Variants in COQ10A observed in about 807,000 individuals in gnomAD.
COQ10A encodes coenzyme Q10A, also known as coenzyme Q-binding protein COQ10 homolog A, mitochondrial.
In COQ10A, 25 loss-of-function variants were observed where a neutral mutation model predicts 26.1. The ratio of observed to expected loss-of-function variants is 0.96; its 90% CI spans 0.70 to 1.34. The LOEUF is 1.34. COQ10A is among the 40% of genes most tolerant of loss of function. The pLI, the probability that COQ10A is intolerant of heterozygous loss-of-function variation, is 0.00. For synonymous variants in COQ10A, 132 were observed against 124.0 expected, an observed-to-expected ratio of 1.06 and a Z score of -0.43; for missense variants, 312 against 335.4, an observed-to-expected ratio of 0.93 and a Z score of 0.54.
chr12:56,267,275 T>G, intron 1 of COQ10A, 23 bp downstream of exon 1: 1 of 1,572,128 alleles, frequency 6.4e-7, no homozygotes, highest in Non-Finnish European at 8.6e-7. Context: ...TGACCGCGGC[T>G]GAGGGCAGGG....
Position 56,268,054 on chromosome 12 carries a change from C to T in COQ10A, c.281+114C>T, listed in dbSNP as rs1872404036. The T allele has an allele frequency of 2.3e-6, 3 of 1,316,388 alleles. No individual in the cohort carries two copies. The Admixed American group carries it at 5.5e-5, about 24-fold the overall frequency. The allele number at this position is 1,316,388 out of a possible 1,614,324, so 81.5% of individuals were successfully genotyped here. A position where few individuals can be genotyped will look rare whatever the true frequency, so the allele number is the denominator to read the frequency against. ...GCAAGATTCATCCCTAGCCATCCCC[C>T]TCCCCAGCTACAATACTGATCCTCA... On this transcript the variant is annotated intron_variant, in intron 2 of 4. Coordinates refer to ENST00000308197, the MANE Select transcript of COQ10A (RefSeq NM_144576.4).
At chr12:56,267,377 T>C (rs1565616595) in intron 1 of COQ10A, 125 bp downstream of exon 1, 2 of 1,613,790 alleles carry the variant, frequency 1.2e-6, no homozygotes, top group Non-Finnish European at 8.5e-7. Flanking sequence ...CCCTGGGAGC[T>C]AACGTAGAGC....
chr12:56,269,699 C>T, intron 4 of COQ10A, 138 bp downstream of exon 4: 1 of 700,008 alleles, frequency 1.4e-6, no homozygotes, highest in Non-Finnish European at 2.5e-6. Context: ...ACGATCTTGG[C>T]TCACTGCAAC....
In COQ10A at chr12:56,270,219, C is replaced by G; in HGVS notation, c.646C>G (p.Gln216Glu). The change falls in exon 5 of 5, where the codon CAG becomes GAG. Residue 216 changes from glutamine to glutamate, a missense_variant. Transcript: ENST00000308197. ...ATMFFDEVVK[Q>E]NVAAFERRAA... ...CATGTTTTTTGATGAGGTTGTCAAACAGAATGTTGCTGCCTTTGAGCGTCG... is the reference window on the plus strand; with the variant it reads ...CATGTTTTTTGATGAGGTTGTCAAAGAGAATGTTGCTGCCTTTGAGCGTCG... The G allele has an allele frequency of 6.2e-7, 1 of 1,614,102 alleles. No homozygotes were observed. Among genetic ancestry groups the G allele is most frequent in the Non-Finnish European group, 8.5e-7 (1 of 1,180,012 alleles).
chr12:56,269,873 C>T (rs535278516), intron 4 of COQ10A: 32 of 521,820 alleles, frequency 6.1e-5, no homozygotes, highest in Non-Finnish European at 8.9e-5. Flanking sequence ...GTGATCCGTC[C>T]GCCTTGGCCT....
chr12:56,267,590 C>A, intron 1 of COQ10A: 2 of 1,146,008 alleles, frequency 1.7e-6, no homozygotes, highest in Non-Finnish European at 2.6e-6. Context: ...CCTCACCCCG[C>A]CCCCAGCCCT....
chr12:56,268,152 G>T, intron 2 of COQ10A: 1 of 640,066 alleles, frequency 1.6e-6, no homozygotes, highest in Non-Finnish European at 2.7e-6. Context: ...AGTGAAATGA[G>T]ACTAGGGTTG....
intron 1 of COQ10A, 32 bp downstream of exon 1, chr12:56,267,284 G>T: frequency 1.3e-6 from 2 of 1,587,064 alleles, no homozygotes; most frequent in Non-Finnish European, 1.7e-6. Context: ...CTGAGGGCAG[G>T]GGGTCGCTGC....
intron 1 of COQ10A, 116 bp downstream of exon 1, chr12:56,267,368 C>T (rs1227695780): frequency 1.9e-6 from 3 of 1,613,780 alleles, no homozygotes; most frequent in Admixed American, 1.7e-5. Flanking sequence ...GCAATCATGC[C>T]CTGGGAGCTA....
Position 56,270,533 on chromosome 12 carries a change from C to A in COQ10A, c.*216C>A, listed in dbSNP as rs1000240518. On this transcript the variant is annotated 3_prime_UTR_variant, in exon 5 of 5. Coordinates refer to ENST00000308197, the MANE Select transcript of COQ10A (RefSeq NM_144576.4). ...AAATGAGATGTGCTTAGGAAAGGGT[C>A]AGGCCCATCGTAGGAGCACCATATG... 3 of 555,518 alleles carry A rather than the reference C, an allele frequency of 5.4e-6. No individual in the cohort carries two copies. In the African/African-American group the frequency reaches 5.7e-5, roughly 11 times the overall value. The allele number at this position is 555,518 out of a possible 1,614,324, so 34.4% of individuals were successfully genotyped here.
rs1334235480 is a variant in COQ10A, at chr12:56,270,199, T to G, written c.626T>G (p.Phe209Cys). 2 of 1,614,174 alleles carry G rather than the reference T, an allele frequency of 1.2e-6. No homozygotes were observed. The highest frequency in any genetic ancestry group is 3.3e-5 in the Admixed American group (2 of 60,016). The change falls in exon 5 of 5, where the codon TTT (phenylalanine) becomes TGT (cysteine). Residue 209 changes from phenylalanine to cysteine, a missense_variant. Transcript: ENST00000308197. ...CTGCACTCCCAGCTGGCCACCATGT[T>G]TTTTGATGAGGTTGTCAAACAGAAT... ...SLLHSQLATM[F>C]FDEVVKQNVA...
chr12:56,267,141 G>C lies in COQ10A; in HGVS notation c.23G>C (p.Arg8Pro), dbSNP rs963553084. Residue 8 changes from arginine (R) to proline (P), a missense_variant, in exon 1 of 5, where the codon CGG (arginine) becomes CCG (proline). Coordinates refer to ENST00000308197, the MANE Select transcript of COQ10A (RefSeq NM_144576.4). Reference sequence around the variant, plus strand: ...CGCATGGCCTGGGCGGGCTCGCGGCGGGTCCCAGCTGGGACGCGCGCGGCA... The same window carrying C: ...CGCATGGCCTGGGCGGGCTCGCGGCCGGTCCCAGCTGGGACGCGCGCGGCA... MAWAGSR[R>P]VPAGTRAAAE... 7.7e-7 allele frequency: 1 copy of C among 1,305,322 alleles called. No homozygotes were observed. Among genetic ancestry groups the C allele is most frequent in the Non-Finnish European group, 9.7e-7 (1 of 1,032,874 alleles). The allele number at this position is 1,305,322 out of a possible 1,614,324, so 80.9% of individuals were successfully genotyped here.
intron 4 of COQ10A, chr12:56,269,877 T>A (rs1410541023): frequency 1.3e-5 from 7 of 527,874 alleles, no homozygotes; most frequent in Non-Finnish European, 2.4e-5. Context: ...TCCGTCCGCC[T>A]TGGCCTCCCA....
At position 56,267,154 on chromosome 12, in the gene COQ10A, G is replaced by A. The variant is rs757863379; in HGVS notation, c.36G>A (p.Gly12=). 7.5e-5 allele frequency: 100 copies of A among 1,340,864 alleles called. 1 individual carries two copies. Among genetic ancestry groups the A allele is most frequent in the Non-Finnish European group, 9.2e-5 (97 of 1,052,616 alleles). 83.1% of individuals were successfully genotyped at this position (1,340,864 alleles called of 1,614,324 possible). A position where few individuals can be genotyped will look rare whatever the true frequency, so the allele number is the denominator to read the frequency against. The change falls in exon 1 of 5, where the codon GGG becomes GGA. Residue 12 remains glycine, a synonymous_variant. Coordinates refer to ENST00000308197, the MANE Select transcript of COQ10A (RefSeq NM_144576.4). ...CGGGCTCGCGGCGGGTCCCAGCTGG[G>A]ACGCGCGCGGCAGCCGAGCGCTGCT... The part of the protein sequence containing the change: ...AWAGSRRVPA[G]TRAAAERCCR...
chr12:56,267,860 A>G lies in COQ10A; in HGVS notation c.201A>G (p.Leu67=). The part of the protein sequence containing the change: ...AAQILAAEAG[L]PSSRSFMGFA... ...AGATCTTGGCGGCTGAGGCTGGCTT[A>G]CCTTCGAGCCGTTCCTTCATGGGAT... Residue 67 remains leucine, a synonymous_variant, in exon 2 of 5, where the codon TTA becomes TTG. Transcript: ENST00000308197. 6.2e-7 allele frequency: 1 copy of G among 1,614,026 alleles called. No individual in the cohort carries two copies. Among genetic ancestry groups the G allele is most frequent in the Non-Finnish European group, 8.5e-7 (1 of 1,179,986 alleles).
chr12:56,269,691 G>A (rs1305265768), intron 4 of COQ10A, 130 bp downstream of exon 4: 9 of 738,902 alleles, frequency 1.2e-5, no homozygotes, highest in Non-Finnish European at 2.1e-5. Flanking sequence ...GCAATGGCAC[G>A]ATCTTGGCTC....
In COQ10A at chr12:56,270,798, G is replaced by T. The variant is rs191543648; in HGVS notation, c.*481G>T. On this transcript the variant is annotated 3_prime_UTR_variant, in exon 5 of 5. Coordinates refer to ENST00000308197, the MANE Select transcript of COQ10A (RefSeq NM_144576.4). ...ATACATAAAGCCTCATTTTAAGACT[G>T]TAAGTCCATGCTGCCTGGCTACTAG... 6.5e-6 allele frequency: 1 copy of T among 152,890 alleles called. No individual in the cohort carries two copies. Among genetic ancestry groups the T allele is most frequent in the East Asian group, 1.9e-4 (1 of 5,194 alleles). 9.5% of individuals were successfully genotyped at this position (152,890 alleles called of 1,614,324 possible). A position where few individuals can be genotyped will look rare whatever the true frequency, so the allele number is the denominator to read the frequency against.
chr12:56,267,274 C>G, intron 1 of COQ10A, 22 bp downstream of exon 1: 1 of 1,571,548 alleles, frequency 6.4e-7, no homozygotes, highest in Non-Finnish European at 8.6e-7. Flanking sequence ...GTGACCGCGG[C>G]TGAGGGCAGG....
intron 1 of COQ10A, 142 bp from the exon 2 acceptor site, chr12:56,267,652 G>A (rs1872389984): frequency 2.3e-6 from 3 of 1,281,062 alleles, no homozygotes; most frequent in Non-Finnish European, 3.4e-6. Context: ...GCCAGAGAGA[G>A]CCTAGCGGGC....
Sources: allele counts gnomAD v4.1 joint callset, GRCh38; gene constraint gnomAD v4.1.1; transcripts MANE v1.5; gene names NCBI Gene and HGNC (gene_info 2026-07-23, HGNC 2026-07-21).